PSMF1: variants seen among roughly 807,000 people sequenced by gnomAD.
The protein encoded by PSMF1 is proteasome inhibitor subunit 1.
PSMF1 carries 30 observed loss-of-function variants against 29.3 expected under a neutral mutation model. The observed-to-expected ratio is 1.02, with a 90% CI of 0.77 to 1.39. The LOEUF (loss-of-function observed/expected upper bound fraction) is 1.39, where lower values mean the gene tolerates loss of function less well. Ranked by LOEUF, PSMF1 falls within the 40% of genes most tolerant of loss-of-function variation. The probability of loss-of-function intolerance (pLI) is 0.00; values close to 1 mark genes in which losing one functional copy is unlikely to be tolerated. For synonymous variants in PSMF1, 134 were observed against 139.7 expected, an observed-to-expected ratio of 0.96 and a Z score of 0.29; for missense variants, 344 against 357.5, an observed-to-expected ratio of 0.96 and a Z score of 0.31.
chr20:1,161,519 G>A lies in PSMF1; in HGVS notation c.552-1611G>A, dbSNP rs1280911807. ...GCATCTCCAACAGGATGCAGAAAGA[G>A]ATCACTGCCCTGGTGCCAGCACAAG... On this transcript the variant is annotated intron_variant, in intron 4 of 6. Coordinates refer to ENST00000335877, the MANE Select transcript of PSMF1 (RefSeq NM_006814.5). The A allele has an allele frequency of 4.6e-5, 25 of 548,112 alleles. No individual in the cohort carries two copies. In the South Asian group the frequency reaches 5.0e-4, roughly 11 times the overall value. 34.0% of individuals were successfully genotyped at this position (548,112 alleles called of 1,614,324 possible).
chr20:1,171,947 C>G lies in PSMF1; in HGVS notation c.*6867C>G, dbSNP rs1220391690. Among the ~76,000 whole-genome samples, 1 of 152,234 alleles carries G rather than the reference C, an allele frequency of 6.6e-6. No individual in the cohort carries two copies. The highest frequency in any genetic ancestry group is 1.5e-5 in the Non-Finnish European group (1 of 68,038). ...GAAGCATGTGAAGAGAGGGATGGCC[C>G]AGGGGCCCTTGGCCATGGTGGCCTT... On this transcript the variant is annotated 3_prime_UTR_variant, in exon 7 of 7. Coordinates refer to ENST00000335877, the MANE Select transcript of PSMF1 (RefSeq NM_006814.5).
chr20:1,163,299 C>A lies in PSMF1; in HGVS notation c.605+116C>A. On this transcript the variant is annotated intron_variant, in intron 5 of 6. Transcript: ENST00000335877. The surrounding 1 kb of genome is among the most constrained non-coding windows in gnomAD (Gnocchi z 6.1). ...GTCTCTTCCTTTGGGGTGGAGGAGG[C>A]AGTTGTTGCTGAGCAGCTGAGAAAG... 2 of 1,193,760 alleles carry A rather than the reference C, an allele frequency of 1.7e-6. No homozygotes were observed. The highest frequency in any genetic ancestry group is 1.3e-5 in the South Asian group (1 of 74,830). 73.9% of individuals were successfully genotyped at this position (1,193,760 alleles called of 1,614,324 possible).
intron 2 of PSMF1, 120 bp from the exon 3 acceptor site, chr20:1,127,306 A>AT (rs2086170994): frequency 2.4e-6 from 2 of 826,728 alleles, no homozygotes; most frequent in African/African-American, 1.7e-5. Context: ...GTCCTTATAT[A>AT]TGTCTCTGTG....
At chr20:1,159,813 A>G (rs16992126) in intron 4 of PSMF1, among the ~76,000 whole-genome samples, 12,091 of 152,224 alleles carry the variant, frequency 0.079, 562 homozygotes, top group South Asian at 0.13. Flanking sequence ...GTCCATTTAA[A>G]TCACAGTATC....
At chr20:1,156,588 A>G (rs2086597530) in intron 4 of PSMF1, among the ~76,000 whole-genome samples, 1 of 152,246 alleles carries the variant, frequency 6.6e-6, no homozygotes. Context: ...CTTGGAGGCC[A>G]GAAAGAAGAA....
At chr20:1,133,573 T>G in intron 3 of PSMF1, among the ~76,000 whole-genome samples, 1 of 41,580 alleles carries the variant, frequency 2.4e-5, no homozygotes, top group East Asian at 3.3e-4. Context: ...ATATATATTT[T>G]TTTTTTTTTT....
intron 4 of PSMF1, among the ~76,000 whole-genome samples, chr20:1,157,646 T>TA (rs1568481435): frequency 6.6e-6 from 1 of 152,208 alleles, no homozygotes; most frequent in Non-Finnish European, 1.5e-5. Flanking sequence ...TCATGACAAT[T>TA]ACAGTCCTCG....
intron 4 of PSMF1, chr20:1,160,904 GC>G (rs1568483017): frequency 9.0e-6 from 4 of 446,294 alleles, no homozygotes; most frequent in Non-Finnish European, 1.3e-5. Flanking sequence ...CTGACTGAGG[GC>G]CCCCTGAACC....
rs753844312 is a variant in PSMF1, at chr20:1,133,299, T to TTATC, written c.366-1821_366-1818dup. Among the ~76,000 whole-genome samples, 383 of 150,864 alleles carry TTATC rather than the reference T, an allele frequency of 2.5e-3. 1 individual carries two copies. The highest frequency in any genetic ancestry group is 4.2e-3 in the Non-Finnish European group (287 of 67,688). On this transcript the variant is annotated intron_variant, in intron 3 of 6. Coordinates refer to ENST00000335877, the MANE Select transcript of PSMF1 (RefSeq NM_006814.5). ...TGAGAGTTTTTAATCTTGAATGGATTTATCATGTTGGATTTTGTCAAAAGC... is the reference window on the plus strand; with the variant it reads ...TGAGAGTTTTTAATCTTGAATGGATTTATCTATCATGTTGGATTTTGTCAAAAGC...
At chr20:1,114,398 C>A (rs184457733), upstream of PSMF1, among the ~76,000 whole-genome samples, 13 of 152,368 alleles carry the variant, frequency 8.5e-5, no homozygotes, top group African/African-American at 3.1e-4. Context: ...TGTCTCACCA[C>A]GGGCTTCTGA....
At chr20:1,146,478 C>T (rs1311828486) in intron 4 of PSMF1, among the ~76,000 whole-genome samples, 2 of 152,162 alleles carry the variant, frequency 1.3e-5, no homozygotes, top group South Asian at 2.1e-4. Context: ...GTGAAGTACA[C>T]GAATCTCCCT....
intron 4 of PSMF1, among the ~76,000 whole-genome samples, chr20:1,145,494 G>C (rs557376353): frequency 6.6e-6 from 1 of 152,224 alleles, no homozygotes; most frequent in Non-Finnish European, 1.5e-5. Flanking sequence ...GCCAGACAGA[G>C]AGTAGGGCAG....
chr20:1,171,879 C>T lies in PSMF1; in HGVS notation c.*6799C>T, dbSNP rs1025610252. 2.0e-5 allele frequency among the ~76,000 whole-genome samples: 3 copies of T among 152,248 alleles called. No individual in the cohort carries two copies. Among genetic ancestry groups the T allele is most frequent in the Non-Finnish European group, 2.9e-5 (2 of 68,040 alleles). On this transcript the variant is annotated 3_prime_UTR_variant, in exon 7 of 7. Transcript: ENST00000335877. ...TCAGAAGGAAGTATGGGAGCAGTTC[C>T]ATCCTCAAGGTTTCTTGGTTCCCAG...
At chr20:1,133,310 G>A (rs751390935) in intron 3 of PSMF1, among the ~76,000 whole-genome samples, 1 of 150,108 alleles carries the variant, frequency 6.7e-6, no homozygotes, top group Non-Finnish European at 1.5e-5. Context: ...TATCATGTTG[G>A]ATTTTGTCAA....
chr20:1,139,365 G>A (rs2086351169), intron 4 of PSMF1, among the ~76,000 whole-genome samples: 1 of 152,136 alleles, frequency 6.6e-6, no homozygotes, highest in South Asian at 2.1e-4. Context: ...ATATAACATT[G>A]TACTTGATAT....
chr20:1,170,031 G>T lies in PSMF1; in HGVS notation c.*4951G>T, dbSNP rs1420084427. Among the ~76,000 whole-genome samples, 1 of 152,120 alleles carries T rather than the reference G, an allele frequency of 6.6e-6. No homozygotes were observed. Among genetic ancestry groups the T allele is most frequent in the Non-Finnish European group, 1.5e-5 (1 of 68,020 alleles). ...CTGGGCCCCAATCTAGATCTCAAGG[G>T]AACGGCCTTCAGATCCATTTTTGAC... On this transcript the variant is annotated 3_prime_UTR_variant, in exon 7 of 7. Coordinates refer to ENST00000335877, the MANE Select transcript of PSMF1 (RefSeq NM_006814.5).
At position 1,144,353 on chromosome 20, in the gene PSMF1, G is replaced by A. The variant is rs567428929; in HGVS notation, c.551+9047G>A. Among the ~76,000 whole-genome samples the A allele has an allele frequency of 3.9e-5, 6 of 152,324 alleles. No individual in the cohort carries two copies. The South Asian group carries it at 1.0e-3, about 26-fold the overall frequency. ...CATGTCAAATGTTACAGCTACTCTGGAAAATCATTTGGCAGTTTCTTAAAA... is the reference window on the plus strand; with the variant it reads ...CATGTCAAATGTTACAGCTACTCTGAAAAATCATTTGGCAGTTTCTTAAAA... On this transcript the variant is annotated intron_variant, in intron 4 of 6. Transcript: ENST00000335877.
At chr20:1,142,445 G>A (rs1432176646) in intron 4 of PSMF1, among the ~76,000 whole-genome samples, 32 of 129,342 alleles carry the variant, frequency 2.5e-4, no homozygotes, top group East Asian at 1.5e-3. Flanking sequence ...AACAGGCCCC[G>A]GTGTGTGATG....
At chr20:1,132,664 A>G (rs1600148092) in intron 3 of PSMF1, among the ~76,000 whole-genome samples, 2 of 152,252 alleles carry the variant, frequency 1.3e-5, no homozygotes, top group African/African-American at 4.8e-5. Context: ...CATTAAACCT[A>G]TAGATTAGTT....
Sources: gnomAD v4.1 joint callset for allele counts (sites outside exome capture counted in the v4.1 genomes callset) on GRCh38, gnomAD v4.1.1 for gene constraint, Gnocchi (gnomAD v3.1) non-coding constraint, MANE v1.5 for transcripts, NCBI Gene and HGNC (gene_info 2026-07-23, HGNC 2026-07-21) for gene names.